Variants in TRIO observed in about 807,000 individuals in gnomAD.
TRIO encodes the protein trio Rho guanine nucleotide exchange factor, also known as triple functional domain protein.
Under a neutral mutation model 351.9 loss-of-function variants are expected in TRIO, and 58 were observed. The ratio of observed to expected loss-of-function variants is 0.16; its 90% CI spans 0.13 to 0.21. The LOEUF is 0.21. TRIO is among the 10% of genes least tolerant of loss of function. TRIO has a pLI of 1.00. For synonymous variants in TRIO, 1,758 were observed against 1,595.7 expected, an observed-to-expected ratio of 1.10 and a Z score of -2.42; for missense variants, 3,201 against 4,027.8, an observed-to-expected ratio of 0.79 and a Z score of 5.56.
chr5:14,467,076 C>G (rs527869350), intron 37 of TRIO, among the ~76,000 whole-genome samples: 1 of 152,136 alleles, frequency 6.6e-6, no homozygotes, highest in Non-Finnish European at 1.5e-5. Flanking sequence ...AAAAACTTGA[C>G]TAGCCACTAA....
At chr5:14,327,539 T>G (rs1740496909) in intron 9 of TRIO, among the ~76,000 whole-genome samples, 2 of 152,220 alleles carry the variant, frequency 1.3e-5, no homozygotes, top group Non-Finnish European at 2.9e-5. Context: ...ATGTTTATCT[T>G]TTATTTTTTG....
intron 23 of TRIO, among the ~76,000 whole-genome samples, chr5:14,388,136 C>A (rs1174321035): frequency 6.6e-6 from 1 of 152,182 alleles, no homozygotes; most frequent in Non-Finnish European, 1.5e-5. Flanking sequence ...TAGTTTTTAT[C>A]ACGCCTAAAA....
At chr5:14,464,352 C>G (rs1256753732) in intron 36 of TRIO, among the ~76,000 whole-genome samples, 1 of 152,164 alleles carries the variant, frequency 6.6e-6, no homozygotes, top group Non-Finnish European at 1.5e-5. Context: ...TGCACTGTAT[C>G]CTTCTGTTTG....
intron 1 of TRIO, among the ~76,000 whole-genome samples, chr5:14,193,793 G>A (rs541388416): frequency 6.6e-6 from 1 of 152,222 alleles, no homozygotes; most frequent in East Asian, 1.9e-4. Context: ...TGGAGAATAA[G>A]ACCTCACATA....
At chr5:14,491,624 G>A (rs529235450) in intron 48 of TRIO, among the ~76,000 whole-genome samples, 20 of 152,316 alleles carry the variant, frequency 1.3e-4, no homozygotes, top group African/African-American at 4.6e-4. Context: ...ACACCACTCT[G>A]TGTGTGGCCT....
intron 8 of TRIO, among the ~76,000 whole-genome samples, chr5:14,311,781 A>G (rs1738953942): frequency 6.6e-6 from 1 of 152,218 alleles, no homozygotes; most frequent in Non-Finnish European, 1.5e-5. Context: ...CTGAAAAAGA[A>G]TTAAGACGGT....
chr5:14,325,557 C>T (rs1314782825), intron 9 of TRIO, among the ~76,000 whole-genome samples: 1 of 152,202 alleles, frequency 6.6e-6, no homozygotes, highest in Non-Finnish European at 1.5e-5. Flanking sequence ...GATGAGGGAT[C>T]TGCCCCCATG....
intron 2 of TRIO, among the ~76,000 whole-genome samples, chr5:14,271,247 G>T (rs977717379): frequency 6.6e-6 from 1 of 152,148 alleles, no homozygotes; most frequent in Non-Finnish European, 1.5e-5. Context: ...TATGTAGATG[G>T]GTCCTGAATT....
chr5:14,320,371 T>C (rs2152308848), intron 9 of TRIO, among the ~76,000 whole-genome samples: 1 of 152,220 alleles, frequency 6.6e-6, no homozygotes, highest in Non-Finnish European at 1.5e-5. Flanking sequence ...TGGCTCTTCT[T>C]GGATTGTTGA....
chr5:14,437,562 C>G (rs1263615756), intron 34 of TRIO, among the ~76,000 whole-genome samples: 1 of 152,092 alleles, frequency 6.6e-6, no homozygotes, highest in African/African-American at 2.4e-5. Flanking sequence ...ATCAGGGTGT[C>G]AGCAGAGTAG....
rs1248960476 is a variant in TRIO, at chr5:14,426,500, T to C, written c.5203+6479T>C. 2.0e-5 allele frequency among the ~76,000 whole-genome samples: 3 copies of C among 152,136 alleles called. No homozygotes were observed. The East Asian group carries it at 5.8e-4, about 29-fold the overall frequency. ...AGCTGAAAAGTCCAGTTAGATGAAC[T>C]CCAAGGAACGCTGAAGACCCACAAG... On this transcript the variant is annotated intron_variant, in intron 34 of 56. Coordinates refer to ENST00000344204, the MANE Select transcript of TRIO (RefSeq NM_007118.4).
In TRIO at chr5:14,287,049, A is replaced by G; in HGVS notation, c.526A>G (p.Lys176Glu). ...QKQRTNFGSS[K>E]FEFETNMVSL... ...ACAGAGGACTAATTTTGGCAGTTCTAAATTTGAATTTGAGGTAACTTCCCC... is the reference window on the plus strand; with the variant it reads ...ACAGAGGACTAATTTTGGCAGTTCTGAATTTGAATTTGAGGTAACTTCCCC... Residue 176 changes from lysine to glutamate, a missense_variant, in exon 4 of 57, where the codon AAA becomes GAA. Physicochemically the swap from Lys to Glu is moderately conservative, Grantham distance 56. Around this residue, in one of 19 missense-constraint regions of TRIO, gnomAD observed 2 missense variants for 20.9 expected, o/e 0.10. Coordinates refer to ENST00000344204, the MANE Select transcript of TRIO (RefSeq NM_007118.4). 1 of 1,614,048 alleles carries G rather than the reference A, an allele frequency of 6.2e-7. No homozygotes were observed. The highest frequency in any genetic ancestry group is 8.5e-7 in the Non-Finnish European group (1 of 1,179,954).
At chr5:14,351,062 C>T (rs951312111) in intron 11 of TRIO, among the ~76,000 whole-genome samples, 6 of 152,180 alleles carry the variant, frequency 3.9e-5, no homozygotes, top group African/African-American at 1.4e-4. Context: ...TTAATGACCA[C>T]TTGCCTGCTG....
chr5:14,379,970 A>G (rs999567362), intron 20 of TRIO, among the ~76,000 whole-genome samples: 1 of 151,848 alleles, frequency 6.6e-6, no homozygotes, highest in African/African-American at 2.4e-5. Flanking sequence ...CACCCACCCC[A>G]GGCCTCACTG....
chr5:14,173,799 G>A (rs1046049322), intron 1 of TRIO, among the ~76,000 whole-genome samples: 8 of 152,220 alleles, frequency 5.3e-5, no homozygotes, highest in African/African-American at 1.7e-4. Context: ...CAGTAACAGT[G>A]ATAGAAGAGC....
At chr5:14,412,750 C>G (rs1267018296) in intron 33 of TRIO, among the ~76,000 whole-genome samples, 1 of 152,178 alleles carries the variant, frequency 6.6e-6, no homozygotes, top group Non-Finnish European at 1.5e-5. Context: ...TTTTAACGTC[C>G]TTTATAAAGA....
chr5:14,285,406 G>A (rs1736354990), intron 3 of TRIO, among the ~76,000 whole-genome samples: 1 of 151,796 alleles, frequency 6.6e-6, no homozygotes, highest in Non-Finnish European at 1.5e-5. Flanking sequence ...TTTTTTTGGG[G>A]TGTTGATGTG....
At chr5:14,164,603 T>A (rs750145865) in intron 1 of TRIO, among the ~76,000 whole-genome samples, 4 of 151,794 alleles carry the variant, frequency 2.6e-5, no homozygotes, top group African/African-American at 4.9e-5. Context: ...TCAGGCAGAT[T>A]TAAACAATGG....
At chr5:14,269,525 T>A (rs1795868500) in intron 1 of TRIO, among the ~76,000 whole-genome samples, 1 of 152,222 alleles carries the variant, frequency 6.6e-6, no homozygotes. Flanking sequence ...ATTCACCTGG[T>A]TTTTGTTTTG....
Sources: gnomAD v4.1 joint callset for allele counts (sites outside exome capture counted in the v4.1 genomes callset) on GRCh38, gnomAD v4.1.1 for gene constraint, gnomAD v4.1.1 regional missense constraint, MANE v1.5 for transcripts, NCBI Gene and HGNC (gene_info 2026-07-23, HGNC 2026-07-21) for gene names.